Variants in PKD1L3 observed in about 807,000 individuals in gnomAD.
PKD1L3 encodes the protein polycystin-1-like protein 3.
Under a neutral mutation model 184.1 loss-of-function variants are expected in PKD1L3, and 239 were observed. The observed-to-expected ratio is 1.30, with a 90% CI of 1.17 to 1.45. The LOEUF (loss-of-function observed/expected upper bound fraction) is 1.45. Ranked by LOEUF, PKD1L3 falls within the 40% of genes most tolerant of loss-of-function variation. The probability of loss-of-function intolerance (pLI) is 0.00; values close to 1 mark genes in which losing one functional copy is unlikely to be tolerated. For missense variants in PKD1L3, 2,660 were observed against 2,067.2 expected (o/e 1.29, Z -5.56); for synonymous variants, 996 against 778.8 (o/e 1.28, Z -4.64).
intron 15 of PKD1L3, among the ~76,000 whole-genome samples, chr16:71,964,207 C>T (rs2039401394): frequency 6.6e-6 from 1 of 151,728 alleles, no homozygotes; most frequent in South Asian, 2.1e-4. Context: ...TTTGATTTCA[C>T]CTCACAACTA....
At chr16:71,977,497 T>A in intron 10 of PKD1L3, 30 bp from the exon 11 acceptor site, 1 of 1,475,882 alleles carries the variant, frequency 6.8e-7, no homozygotes, top group Non-Finnish European at 9.3e-7. Flanking sequence ...ATCATTATAA[T>A]GGTCCATCCA....
intron 4 of PKD1L3, among the ~76,000 whole-genome samples, chr16:71,989,399 C>T (rs1282444170): frequency 2.6e-5 from 4 of 152,186 alleles, no homozygotes; most frequent in African/African-American, 9.7e-5. Context: ...GTGATCCGCC[C>T]GCCTCGGCCT....
At chr16:71,929,766 A>C (rs1229152311) in intron 29 of PKD1L3, 88 bp from the exon 30 acceptor site, 2 of 1,252,988 alleles carry the variant, frequency 1.6e-6, no homozygotes, top group South Asian at 1.6e-5. Context: ...ATTTTTAAAA[A>C]ATTAGTAAAT....
intron 15 of PKD1L3, among the ~76,000 whole-genome samples, chr16:71,964,464 A>G (rs767333352): frequency 6.7e-5 from 10 of 150,054 alleles, no homozygotes; most frequent in South Asian, 4.2e-4. Flanking sequence ...TCAGCCTCCC[A>G]AGTAGCTGGG....
In PKD1L3 at chr16:71,937,280, T is replaced by G; in HGVS notation, c.4452+12A>C. 6.5e-7 allele frequency: 1 copy of G among 1,548,484 alleles called. No individual in the cohort carries two copies. The highest frequency in any genetic ancestry group is 8.7e-7 in the Non-Finnish European group (1 of 1,145,954). On this transcript the variant is annotated intron_variant, in intron 25 of 29. Transcript: ENST00000620267. ...ATGTTGCCCAGGCTGACATCTAACA[T>G]TATTGACTCACCTGTATGAAGGCAT...
intron 19 of PKD1L3, among the ~76,000 whole-genome samples, chr16:71,950,689 GA>G (rs2038794128): frequency 6.6e-6 from 1 of 151,220 alleles, no homozygotes; most frequent in East Asian, 1.9e-4. Flanking sequence ...TGACAAAGCA[GA>G]AAGGATATGT....
In PKD1L3 at chr16:71,954,307, A is replaced by G. The variant is rs763551731; in HGVS notation, c.2613-6T>C. The stretch of plus-strand genomic sequence containing the variant: ...TCATGGAGGAAAACAGATGTCTGAA[A>G]AGAGAAATCAGAAGAGGAAATACAT... On this transcript the variant is annotated splice_region_variant and splice_polypyrimidine_tract_variant and intron_variant, in intron 16 of 29. Coordinates refer to ENST00000620267, the MANE Select transcript of PKD1L3 (RefSeq NM_181536.2). The G allele has an allele frequency of 1.3e-6, 2 of 1,519,580 alleles. No individual in the cohort carries two copies. Among genetic ancestry groups the G allele is most frequent in the African/African-American group, 2.8e-5 (2 of 71,918 alleles). 94.1% of individuals were successfully genotyped at this position (1,519,580 alleles called of 1,614,324 possible).
chr16:71,978,414 A>G, intron 9 of PKD1L3, 31 bp from the exon 10 acceptor site: 1 of 1,531,328 alleles, frequency 6.5e-7, no homozygotes, highest in Non-Finnish European at 8.8e-7. Flanking sequence ...AGTTTTATCC[A>G]TTGCTGAAAT....
chr16:71,994,999 AAC>A (rs1418900651), intron 2 of PKD1L3, among the ~76,000 whole-genome samples: 1 of 152,152 alleles, frequency 6.6e-6, no homozygotes, highest in Non-Finnish European at 1.5e-5. Flanking sequence ...AAGAAAAAAA[AAC>A]AGTTGACTTA....
chr16:71,983,031 T>A (rs2040220405), intron 6 of PKD1L3, among the ~76,000 whole-genome samples: 1 of 152,238 alleles, frequency 6.6e-6, no homozygotes, highest in Non-Finnish European at 1.5e-5. Context: ...AAGGGAGGAT[T>A]CATATTTCAT....
chr16:71,931,985 CTT>C (rs2037990590), intron 28 of PKD1L3, among the ~76,000 whole-genome samples: 2 of 152,144 alleles, frequency 1.3e-5, no homozygotes, highest in South Asian at 2.1e-4. Context: ...CTCAAGCAAT[CTT>C]TTCACTTTGG....
At chr16:71,980,282 G>A in intron 7 of PKD1L3, 148 bp from the exon 8 acceptor site, 1 of 1,113,338 alleles carries the variant, frequency 9.0e-7, no homozygotes. Context: ...GAATCTCACA[G>A]AAAGTACTTG....
chr16:71,987,700 T>G (rs979919207), intron 4 of PKD1L3, among the ~76,000 whole-genome samples: 1 of 151,826 alleles, frequency 6.6e-6, no homozygotes, highest in Non-Finnish European at 1.5e-5. Flanking sequence ...AGACAGGATT[T>G]CACTACGTTG....
In PKD1L3 at chr16:71,937,240, AGAT is replaced by A; in HGVS notation, c.4452+49_4452+51del. On this transcript the variant is annotated intron_variant, in intron 25 of 29. Transcript: ENST00000620267. Reference sequence around the variant, plus strand: ...CTGGGTAATTTTTGTAGTCTGGTAAAGATGAGGTTTTGCCATGTTGCCCAGGCT... The same window carrying A: ...CTGGGTAATTTTTGTAGTCTGGTAAAGAGGTTTTGCCATGTTGCCCAGGCT... The A allele has an allele frequency of 5.9e-6, 9 of 1,521,782 alleles. No individual in the cohort carries two copies. In the South Asian group the frequency reaches 7.3e-5, roughly 12 times the overall value. 94.3% of individuals were successfully genotyped at this position (1,521,782 alleles called of 1,614,324 possible).
At chr16:71,969,016 T>C (rs1253205221) in intron 13 of PKD1L3, among the ~76,000 whole-genome samples, 3 of 152,054 alleles carry the variant, frequency 2.0e-5, no homozygotes, top group Non-Finnish European at 2.9e-5. Flanking sequence ...CCGCAACCTC[T>C]GTCTCCCGGG....
At chr16:71,933,878 C>G (rs1376684270) in intron 27 of PKD1L3, 37 bp downstream of exon 27, 2 of 1,540,440 alleles carry the variant, frequency 1.3e-6, no homozygotes, top group Middle Eastern at 1.7e-4. Flanking sequence ...AAGACCACAG[C>G]ACACGGAGAA....
Position 71,952,759 on chromosome 16 carries a change from C to T in PKD1L3, c.3009+135G>A, listed in dbSNP as rs138413100. On this transcript the variant is annotated intron_variant, in intron 18 of 29. Transcript: ENST00000620267. ...GCTGAGGTGGGAGGACCACTTGAGC[C>T]GGGAGTTTGAGGCTGCCACAGTGAG... 278 of 878,028 alleles carry T rather than the reference C, an allele frequency of 3.2e-4. 3 individuals are homozygous for T. The East Asian group carries it at 7.7e-3, about 24-fold the overall frequency. 54.4% of individuals were successfully genotyped at this position (878,028 alleles called of 1,614,324 possible).
At chr16:71,972,776 T>C (rs1428323735) in intron 12 of PKD1L3, among the ~76,000 whole-genome samples, 1 of 152,226 alleles carries the variant, frequency 6.6e-6, no homozygotes, top group East Asian at 1.9e-4. Flanking sequence ...TGCAAGACCT[T>C]ACACCACATT....
intron 23 of PKD1L3, among the ~76,000 whole-genome samples, 187 bp downstream of exon 23, chr16:71,943,843 G>C (rs556548905): frequency 6.6e-6 from 1 of 152,310 alleles, no homozygotes; most frequent in South Asian, 2.1e-4. Context: ...AAAACCTCTA[G>C]ACTCCAAGGT....
Sources: gnomAD v4.1 joint callset for allele counts (sites outside exome capture counted in the v4.1 genomes callset) on GRCh38, gnomAD v4.1.1 for gene constraint, MANE v1.5 for transcripts, NCBI Gene and HGNC (gene_info 2026-07-23, HGNC 2026-07-21) for gene names.